ST6GALNAC5: variants seen among roughly 807,000 people sequenced by gnomAD.
ST6GALNAC5 encodes the protein ST6 N-acetylgalactosaminide alpha-2,6-sialyltransferase 5.
In ST6GALNAC5, 27 loss-of-function variants were observed where a neutral mutation model predicts 33.6. The ratio of observed to expected loss-of-function variants is 0.80; its 90% confidence interval spans 0.59 to 1.11. ST6GALNAC5 has a LOEUF of 1.11. ST6GALNAC5 is among the 50% of genes least tolerant of loss of function. The pLI is 0.00. For synonymous variants in ST6GALNAC5, 194 were observed against 171.2 expected, an observed-to-expected ratio of 1.13 and a Z score of -1.04; for missense variants, 428 against 454.0, an observed-to-expected ratio of 0.94 and a Z score of 0.52.
At chr1:76,953,708 G>A (rs1456049625) in intron 2 of ST6GALNAC5, among the ~76,000 whole-genome samples, 1 of 152,064 alleles carries the variant, frequency 6.6e-6, no homozygotes, top group Non-Finnish European at 1.5e-5. Context: ...TTGGTGTCAT[G>A]TCTAAGAACT....
At position 77,054,803 on chromosome 1, in the gene ST6GALNAC5, G is replaced by C. The variant is rs12045678; in HGVS notation, c.779+4438G>C. Among the ~76,000 whole-genome samples, 71 of 152,236 alleles carry C rather than the reference G, an allele frequency of 4.7e-4. 1 individual carries two copies. In the East Asian group the frequency reaches 0.012, roughly 25 times the overall value. On this transcript the variant is annotated intron_variant, in intron 4 of 4. Coordinates refer to ENST00000477717, the MANE Select transcript of ST6GALNAC5 (RefSeq NM_030965.3). ...GGGCCTGAGTTACTTCTAGGAGTCA[G>C]TCATTGGCAAGAAAACTAATTGTAC...
Position 77,044,528 on chromosome 1 carries a change from C to A in ST6GALNAC5, c.586C>A (p.Leu196Met). The A allele has an allele frequency of 1.9e-6, 3 of 1,610,208 alleles. No individual in the cohort carries two copies. Among genetic ancestry groups the A allele is most frequent in the Non-Finnish European group, 1.7e-6 (2 of 1,177,716 alleles). Residue 196 changes from leucine (L) to methionine (M), a missense_variant, in exon 3 of 5, where the codon CTG becomes ATG. Coordinates refer to ENST00000477717, the MANE Select transcript of ST6GALNAC5 (RefSeq NM_030965.3). ...YNNLHLLSQV[L>M]PRLKAFMITR... is the part of the protein sequence containing the mutation. Reference sequence around the variant, plus strand: ...CAACCTGCATCTCCTGAGCCAGGTGCTGCCCCGGCTGAAGGCCTTCATGAT... The same window carrying A: ...CAACCTGCATCTCCTGAGCCAGGTGATGCCCCGGCTGAAGGCCTTCATGAT...
chr1:77,016,176 C>CTAT lies in ST6GALNAC5; in HGVS notation c.262-28028_262-28027insTAT, dbSNP rs1553173465. On this transcript the variant is annotated intron_variant, in intron 2 of 4. Transcript: ENST00000477717. ...TATCTTCCCCTCCTCCTCCTCCTGT[C>CTAT]CTCCCCCTCCTCCTCCTGTATCTCC... is the stretch of plus-strand genomic sequence containing the variant. 2.2e-3 allele frequency among the ~76,000 whole-genome samples: 44 copies of CTAT among 20,058 alleles called. 2 individuals are homozygous for CTAT. Among genetic ancestry groups the CTAT allele is most frequent in the East Asian group, 4.7e-3 (3 of 632 alleles). 13.2% of individuals were successfully genotyped at this position (20,058 alleles called of 152,430 possible).
chr1:76,966,038 C>T (rs1269936), intron 2 of ST6GALNAC5, among the ~76,000 whole-genome samples: 3 of 152,234 alleles, frequency 2.0e-5, no homozygotes, highest in South Asian at 2.1e-4. Context: ...AGTCAGGTAG[C>T]GTGATGCCTC....
intron 2 of ST6GALNAC5, among the ~76,000 whole-genome samples, chr1:77,027,176 A>G (rs183682052): frequency 1.3e-5 from 2 of 152,298 alleles, no homozygotes; most frequent in Non-Finnish European, 2.9e-5. Flanking sequence ...TCAGTCCCCA[A>G]AGGTATATCT....
chr1:76,995,748 G>T (rs546017892), intron 2 of ST6GALNAC5, among the ~76,000 whole-genome samples: 16 of 151,464 alleles, frequency 1.1e-4, no homozygotes, highest in Non-Finnish European at 1.9e-4. Flanking sequence ...CTCCGTTTTG[G>T]GTAATGTAGT....
intron 2 of ST6GALNAC5, among the ~76,000 whole-genome samples, chr1:77,013,041 C>G (rs1557760799): frequency 6.6e-6 from 1 of 152,158 alleles, no homozygotes; most frequent in Non-Finnish European, 1.5e-5. Flanking sequence ...GTTACCCAGG[C>G]TGATATGCAA....
At chr1:76,987,170 T>C (rs747973549) in intron 2 of ST6GALNAC5, among the ~76,000 whole-genome samples, 1 of 152,014 alleles carries the variant, frequency 6.6e-6, no homozygotes, top group Non-Finnish European at 1.5e-5. Context: ...AGTATAATAA[T>C]AAAAGCAAAT....
At chr1:77,057,162 A>G (rs1396615681) in intron 4 of ST6GALNAC5, among the ~76,000 whole-genome samples, 3 of 152,220 alleles carry the variant, frequency 2.0e-5, no homozygotes, top group African/African-American at 7.2e-5. Context: ...GTGTTTAAAG[A>G]GAGTGTCTAA....
chr1:76,882,289 T>C (rs962600621), intron 2 of ST6GALNAC5, among the ~76,000 whole-genome samples: 2 of 152,200 alleles, frequency 1.3e-5, no homozygotes, highest in Non-Finnish European at 2.9e-5. Context: ...AGGAGTGTCA[T>C]GCTTAATTAT....
intron 2 of ST6GALNAC5, among the ~76,000 whole-genome samples, chr1:76,949,676 G>T (rs190986778): frequency 7.0e-4 from 106 of 152,190 alleles, no homozygotes; most frequent in African/African-American, 2.6e-3. Flanking sequence ...CTGCAGGGAG[G>T]ATGAATTGGA....
At chr1:76,896,672 C>T (rs1356570924) in intron 2 of ST6GALNAC5, among the ~76,000 whole-genome samples, 34 of 151,960 alleles carry the variant, frequency 2.2e-4, no homozygotes. Context: ...GAAGTCCGGG[C>T]CAGGAACAAT....
At chr1:76,992,992 A>C (rs17099793) in intron 2 of ST6GALNAC5, among the ~76,000 whole-genome samples, 3,779 of 152,274 alleles carry the variant, frequency 0.025, 160 homozygotes, top group African/African-American at 0.087. Flanking sequence ...AGTTCTTAGC[A>C]TGGAAATCAG....
chr1:76,910,885 A>T (rs143137661), intron 2 of ST6GALNAC5, among the ~76,000 whole-genome samples: 1 of 152,032 alleles, frequency 6.6e-6, no homozygotes, highest in Admixed American at 6.6e-5. Flanking sequence ...CAAGGCAAAA[A>T]AAAAAAGAGC....
chr1:76,971,161 G>A (rs1287253044), intron 2 of ST6GALNAC5, among the ~76,000 whole-genome samples: 1 of 152,172 alleles, frequency 6.6e-6, no homozygotes, highest in Non-Finnish European at 1.5e-5. Context: ...GCATTCCTCA[G>A]AGTAAGGAAT....
chr1:76,922,247 C>T (rs989815006), intron 2 of ST6GALNAC5, among the ~76,000 whole-genome samples: 49 of 152,098 alleles, frequency 3.2e-4, no homozygotes, highest in Admixed American at 1.0e-3. Context: ...AAATTTAAAA[C>T]GTAAAACATT....
At chr1:77,028,533 T>C (rs747579867) in intron 2 of ST6GALNAC5, among the ~76,000 whole-genome samples, 6 of 152,254 alleles carry the variant, frequency 3.9e-5, no homozygotes, top group Non-Finnish European at 7.3e-5. Context: ...CCAACATTTA[T>C]TGAGTGTCTT....
intron 2 of ST6GALNAC5, among the ~76,000 whole-genome samples, chr1:76,897,886 C>G (rs996584476): frequency 6.6e-5 from 10 of 152,170 alleles, no homozygotes; most frequent in Non-Finnish European, 1.0e-4. Flanking sequence ...GCAAGGGAAA[C>G]AGGCCTTTGA....
intron 2 of ST6GALNAC5, among the ~76,000 whole-genome samples, chr1:76,873,374 C>G (rs1482143967): frequency 6.6e-6 from 1 of 152,200 alleles, no homozygotes; most frequent in Non-Finnish European, 1.5e-5. Flanking sequence ...TGTCTATTTT[C>G]TGCCCTTCCC....
Sources: allele counts gnomAD v4.1 joint callset (sites outside exome capture counted in the v4.1 genomes callset), GRCh38; gene constraint gnomAD v4.1.1; transcripts MANE v1.5; gene names NCBI Gene and HGNC (gene_info 2026-07-23, HGNC 2026-07-21).